Variants in BRAF observed in about 807,000 individuals in gnomAD.
The protein encoded by BRAF is B-Raf proto-oncogene, serine/threonine kinase, also known as serine/threonine-protein kinase B-raf.
Under a neutral mutation model 104.6 loss-of-function variants are expected in BRAF, and 16 were observed. The ratio of observed to expected loss-of-function variants is 0.15; its 90% confidence interval spans 0.10 to 0.23. The LOEUF (loss-of-function observed/expected upper bound fraction) is 0.23. Ranked by LOEUF, BRAF falls within the 10% of genes least tolerant of loss-of-function variation. BRAF has a pLI of 1.00. For synonymous variants in BRAF, 310 were observed against 341.6 expected, an observed-to-expected ratio of 0.91 and a Z score of 1.02; for missense variants, 541 against 937.3, an observed-to-expected ratio of 0.58 and a Z score of 5.52.
chr7:140,749,551 G>C (rs1797621613), intron 16 of BRAF, 133 bp from the exon 16 acceptor site: 4 of 955,060 alleles, frequency 4.2e-6, no homozygotes, highest in Non-Finnish European at 6.2e-6. Context: ...TCTCTTAATA[G>C]TCAAAGAAAT....
chr7:140,808,557 C>T (rs1345507503), intron 4 of BRAF, among the ~76,000 whole-genome samples: 2 of 151,350 alleles, frequency 1.3e-5, no homozygotes, highest in African/African-American at 2.4e-5. Context: ...TTTTGATATA[C>T]CTTTTGTGAA....
chr7:140,854,106 A>C (rs1441129883), intron 1 of BRAF, among the ~76,000 whole-genome samples: 2 of 152,152 alleles, frequency 1.3e-5, no homozygotes, highest in Admixed American at 6.5e-5. Context: ...AGTAGTTGGG[A>C]CTACAGGCAC....
At chr7:140,858,866 T>C (rs1473640409) in intron 1 of BRAF, among the ~76,000 whole-genome samples, 1 of 151,878 alleles carries the variant, frequency 6.6e-6, no homozygotes, top group African/African-American at 2.4e-5. Context: ...AGAATTAGAA[T>C]TATAGAGACA....
intron 16 of BRAF, among the ~76,000 whole-genome samples, chr7:140,752,438 A>G (rs1047903679): frequency 8.5e-5 from 13 of 152,188 alleles, no homozygotes; most frequent in African/African-American, 3.1e-4. Flanking sequence ...GATATAAAGA[A>G]AATCTTGTCT....
At chr7:140,880,320 T>C (rs1260802945) in intron 1 of BRAF, among the ~76,000 whole-genome samples, 1 of 152,252 alleles carries the variant, frequency 6.6e-6, no homozygotes, top group Admixed American at 6.5e-5. Context: ...AAGCAACTTC[T>C]CATTTCTTCA....
At chr7:140,832,383 A>T (rs1162722749) in intron 3 of BRAF, among the ~76,000 whole-genome samples, 2 of 152,242 alleles carry the variant, frequency 1.3e-5, no homozygotes, top group African/African-American at 4.8e-5. Flanking sequence ...CTGGCTGAGA[A>T]GATGTATGTA....
rs368101408 is a variant in BRAF at position 140,849,817 on chromosome 7, AAAAT to A, written c.240+290_240+293del. ...ACAGAGCGAGACTCCGTCTCAAAAA[AAAAT>A]AAATAAATAAAATAAAAATAAAAAT... is the stretch of plus-strand genomic sequence containing the variant. On this transcript the variant is annotated intron_variant, in intron 2 of 19. Transcript: ENST00000644969. Among the ~76,000 whole-genome samples, 8,072 of 152,012 alleles carry A rather than the reference AAAAT, an allele frequency of 0.053. 287 individuals are homozygous for A. The highest frequency in any genetic ancestry group is 0.09 in the Admixed American group (1,368 of 15,270).
At chr7:140,765,298 T>C (rs71543384) in intron 14 of BRAF, among the ~76,000 whole-genome samples, 3,169 of 152,098 alleles carry the variant, frequency 0.021, 37 homozygotes, top group South Asian at 0.036. Flanking sequence ...AAAAATTAAT[T>C]CAAGATGGAT....
intron 12 of BRAF, chr7:140,781,216 C>T: frequency 3.5e-6 from 1 of 289,130 alleles, no homozygotes; most frequent in South Asian, 3.6e-5. Flanking sequence ...CAGGCATAAG[C>T]CACTGCGCCC....
chr7:140,817,613 A>T (rs1227868683), intron 3 of BRAF, among the ~76,000 whole-genome samples: 1 of 152,246 alleles, frequency 6.6e-6, no homozygotes, highest in African/African-American at 2.4e-5. Context: ...CCAATGGAAC[A>T]GAATAGAGAA....
At chr7:140,715,528 A>C (rs1795112769), downstream of BRAF, among the ~76,000 whole-genome samples, 1 of 152,118 alleles carries the variant, frequency 6.6e-6, no homozygotes, top group African/African-American at 2.4e-5. Context: ...GGATAATCTC[A>C]TTAGCCCCAT....
chr7:140,890,425 G>C (rs1223210053), intron 1 of BRAF, among the ~76,000 whole-genome samples: 1 of 152,022 alleles, frequency 6.6e-6, no homozygotes, highest in Non-Finnish European at 1.5e-5. Context: ...TAGGAGTTGA[G>C]GATACAGTGG....
At chr7:140,739,397 G>T (rs977653510) in intron 18 of BRAF, among the ~76,000 whole-genome samples, 1 of 151,528 alleles carries the variant, frequency 6.6e-6, no homozygotes. Flanking sequence ...TTAGATAATA[G>T]AACTGTTTTT....
intron 17 of BRAF, chr7:140,747,246 A>T (rs1797428489): frequency 6.2e-6 from 2 of 323,676 alleles, no homozygotes; most frequent in Admixed American, 5.6e-5. Context: ...GGTAGTTGTA[A>T]GAGGACATCA....
chr7:140,918,859 G>T lies in BRAF; in HGVS notation c.138+5707C>A, dbSNP rs186287664. Among the ~76,000 whole-genome samples the T allele has an allele frequency of 1.1e-3, 167 of 152,254 alleles. 1 individual carries two copies. The highest frequency in any genetic ancestry group is 3.9e-3 in the African/African-American group (162 of 41,550). On this transcript the variant is annotated intron_variant, in intron 1 of 19. Coordinates refer to ENST00000644969, the MANE Select transcript of BRAF (RefSeq NM_001374258.1). ...AGTGCAATTTGGAATTTTTATTCTG[G>T]CCAGGTGTGGTGGCTCACGCCTGTA...
intron 1 of BRAF, among the ~76,000 whole-genome samples, chr7:140,887,131 A>G (rs1052326835): frequency 3.3e-5 from 5 of 152,240 alleles, no homozygotes; most frequent in African/African-American, 9.6e-5. Context: ...AAAACTTTGT[A>G]TAATAATTCA....
At chr7:140,768,563 G>A (rs1799548391) in intron 14 of BRAF, among the ~76,000 whole-genome samples, 1 of 152,132 alleles carries the variant, frequency 6.6e-6, no homozygotes, top group Non-Finnish European at 1.5e-5. Flanking sequence ...ACTCAATCAT[G>A]CCTCACTGTA....
chr7:140,725,756 A>G lies in BRAF; in HGVS notation c.*738T>C, dbSNP rs1056164576. 50 of 1,061,322 alleles carry G rather than the reference A, an allele frequency of 4.7e-5. No homozygotes were observed. The highest frequency in any genetic ancestry group is 4.2e-4 in the Middle Eastern group (1 of 2,408). The allele number at this position is 1,061,322 out of a possible 1,614,324, so 65.7% of individuals were successfully genotyped here. On this transcript the variant is annotated 3_prime_UTR_variant, in exon 20 of 20. Coordinates refer to ENST00000644969, the MANE Select transcript of BRAF (RefSeq NM_001374258.1). ...TGCTGGACCCAATGAGAAAGAAGGC[A>G]ATGTGTGCCAGCACTATCTAGCCTG...
At chr7:140,742,897 CAAA>C (rs1434683416) in intron 17 of BRAF, among the ~76,000 whole-genome samples, 2 of 150,746 alleles carry the variant, frequency 1.3e-5, no homozygotes, top group African/African-American at 4.9e-5. Context: ...ACAACCCCAT[CAAA>C]AAGTGGGCAA....
Sources: gnomAD v4.1 joint callset for allele counts (sites outside exome capture counted in the v4.1 genomes callset) on GRCh38, gnomAD v4.1.1 for gene constraint, MANE v1.5 for transcripts, NCBI Gene and HGNC (gene_info 2026-07-23, HGNC 2026-07-21) for gene names.